The following SLC25A46 variants were observed in gnomAD, a reference collection of about 807,000 sequenced individuals.
SLC25A46 encodes the protein solute carrier family 25 member 46.
Under a neutral mutation model 44.6 loss-of-function variants are expected in SLC25A46, and 39 were observed. The observed-to-expected ratio is 0.87, with a 90% confidence interval of 0.68 to 1.14. SLC25A46 has a LOEUF of 1.14. Among genes scored for constraint, SLC25A46 ranks in the 50% most tolerant of loss-of-function variants. The pLI, the probability that SLC25A46 is intolerant of heterozygous loss-of-function variation, is 0.00. For missense variants in SLC25A46, 547 were observed against 522.7 expected (o/e 1.05, Z -0.45); for synonymous variants, 202 against 185.8 (o/e 1.09, Z -0.71).
At chr5:110,740,744 G>A (rs1799654231) in intron 1 of SLC25A46, among the ~76,000 whole-genome samples, 3 of 152,150 alleles carry the variant, frequency 2.0e-5, no homozygotes, top group Non-Finnish European at 4.4e-5. Flanking sequence ...GAGGTCAGGA[G>A]ATCGAGACCA....
intron 7 of SLC25A46, among the ~76,000 whole-genome samples, chr5:110,760,435 T>A (rs1315603554): frequency 1.3e-5 from 2 of 152,080 alleles, no homozygotes; most frequent in Non-Finnish European, 2.9e-5. Context: ...CGTCTTCTGC[T>A]TAAAATCAAC....
rs1178297383 is a variant in SLC25A46 at position 110,764,909 on chromosome 5, ATAAT to A, written c.*3128_*3131del. On this transcript the variant is annotated 3_prime_UTR_variant, in exon 8 of 8. Transcript: ENST00000355943. ...CTGTTTCTCTTTCAAGTAGTTGTAA[ATAAT>A]CTCTTTTTCTCATATAAACGGAATG... 1.3e-5 allele frequency: 2 copies of A among 152,088 alleles called. No homozygotes were observed. The highest frequency in any genetic ancestry group is 3.9e-4 in the East Asian group (2 of 5,154). The allele number at this position is 152,088 out of a possible 1,614,324, so 9.4% of individuals were successfully genotyped here.
intron 3 of SLC25A46, among the ~76,000 whole-genome samples, chr5:110,744,092 T>C (rs1799756347): frequency 6.6e-6 from 1 of 152,204 alleles, no homozygotes; most frequent in Non-Finnish European, 1.5e-5. Flanking sequence ...TTTATGAAAG[T>C]AACTATTTTG....
rs7376 is a variant in SLC25A46 at position 110,764,969 on chromosome 5, T to G, written c.*3187T>G. 93,389 of 151,652 alleles carry G rather than the reference T, an allele frequency of 0.62. 32,848 individuals carry two copies. Among genetic ancestry groups the G allele is most frequent in the Non-Finnish European group, 0.8 (54,091 of 67,792 alleles). 9.4% of individuals were successfully genotyped at this position (151,652 alleles called of 1,614,324 possible). A position where few individuals can be genotyped will look rare whatever the true frequency, so the allele number is the denominator to read the frequency against. On this transcript the variant is annotated 3_prime_UTR_variant, in exon 8 of 8. Transcript: ENST00000355943. ...TGTCTTACTCTTGAGTCATTTAGTATCATTGATATGGTACCAAGTTGTATA... is the reference window on the plus strand; with the variant it reads ...TGTCTTACTCTTGAGTCATTTAGTAGCATTGATATGGTACCAAGTTGTATA...
chr5:110,744,521 C>G (rs1340709400), intron 3 of SLC25A46, among the ~76,000 whole-genome samples: 1 of 152,138 alleles, frequency 6.6e-6, no homozygotes, highest in African/African-American at 2.4e-5. Flanking sequence ...GTTGTTAAAA[C>G]ATTTGATTAT....
chr5:110,747,289 G>T (rs893145030), intron 4 of SLC25A46, among the ~76,000 whole-genome samples: 1 of 152,066 alleles, frequency 6.6e-6, no homozygotes, highest in African/African-American at 2.4e-5. Context: ...AAATAAGAGG[G>T]TAGCTCTGTG....
intron 2 of SLC25A46, among the ~76,000 whole-genome samples, chr5:110,743,111 C>T (rs1005787428): frequency 2.6e-5 from 4 of 151,896 alleles, no homozygotes; most frequent in Non-Finnish European, 5.9e-5. Flanking sequence ...AATATGTGTG[C>T]ACATGTATGT....
Position 110,761,650 on chromosome 5 carries a change from C to T in SLC25A46, c.1125C>T (p.Thr375=), listed in dbSNP as rs2150419387. ...QYEGMRDCIN[T]IRQEEGVFGF... is the part of the protein sequence containing the mutation. ...AGGGAATGAGAGACTGTATCAATAC[C>T]ATAAGGCAGGAGGAAGGAGTGTTTG... Residue 375 remains threonine (T), a synonymous_variant, in exon 8 of 8, where the codon ACC becomes ACT. Transcript: ENST00000355943. This position sits in a 1 kb window ranked among gnomAD's most constrained non-coding sequence, Gnocchi z 5.3. 6.2e-7 allele frequency: 1 copy of T among 1,613,570 alleles called. No individual in the cohort carries two copies. The highest frequency in any genetic ancestry group is 8.5e-7 in the Non-Finnish European group (1 of 1,179,724).
intron 1 of SLC25A46, 193 bp from the exon 2 acceptor site, chr5:110,741,854 C>T: frequency 2.0e-6 from 1 of 507,470 alleles, no homozygotes; most frequent in Non-Finnish European, 3.5e-6. Flanking sequence ...TTGCAATTTG[C>T]CACAGACCCC....
At chr5:110,746,705 G>C (rs1799828334) in intron 4 of SLC25A46, among the ~76,000 whole-genome samples, 1 of 152,160 alleles carries the variant, frequency 6.6e-6, no homozygotes, top group African/African-American at 2.4e-5. Context: ...TCAAAACTGG[G>C]CTTGGGCACA....
chr5:110,748,925 A>G (rs912718991), intron 5 of SLC25A46, among the ~76,000 whole-genome samples: 2 of 152,154 alleles, frequency 1.3e-5, no homozygotes, highest in Non-Finnish European at 2.9e-5. Flanking sequence ...TCTTTTTTTA[A>G]TATATAGATG....
chr5:110,743,537 T>C (rs1438358094), intron 2 of SLC25A46, among the ~76,000 whole-genome samples, 193 bp from the exon 3 acceptor site: 4 of 152,116 alleles, frequency 2.6e-5, no homozygotes, highest in East Asian at 1.9e-4. Flanking sequence ...TCTTTTCATA[T>C]TGAATTTCGT....
intron 5 of SLC25A46, among the ~76,000 whole-genome samples, chr5:110,753,030 G>A (rs1252721563): frequency 6.6e-6 from 1 of 152,072 alleles, no homozygotes; most frequent in Non-Finnish European, 1.5e-5. Context: ...GGAGCACAGG[G>A]GCAAAGAGTG....
At position 110,761,913 on chromosome 5, in the gene SLC25A46, C is replaced by G; in HGVS notation, c.*131C>G. On this transcript the variant is annotated 3_prime_UTR_variant, in exon 8 of 8. Transcript: ENST00000355943. The surrounding 1 kb of genome is among the most constrained non-coding windows in gnomAD (Gnocchi z 5.3). ...AGTAAAATTGGTACTAAAGCCCATA[C>G]TGATTATCTTGACTTTGTTTTTTAA... is the stretch of plus-strand genomic sequence containing the variant. The G allele has an allele frequency of 1.4e-6, 1 of 737,510 alleles. No individual in the cohort carries two copies. The highest frequency in any genetic ancestry group is 2.0e-5 in the South Asian group (1 of 50,356). 45.7% of individuals were successfully genotyped at this position (737,510 alleles called of 1,614,324 possible).
intron 2 of SLC25A46, 112 bp downstream of exon 2, chr5:110,742,201 G>A (rs1209738422): frequency 4.6e-6 from 3 of 646,836 alleles, no homozygotes; most frequent in Non-Finnish European, 7.4e-6. Context: ...TTTCTTTGAA[G>A]CAGCAGCTTA....
chr5:110,761,811 G>C lies in SLC25A46; in HGVS notation c.*29G>C. 6.5e-7 allele frequency: 1 copy of C among 1,536,012 alleles called. No homozygotes were observed. The highest frequency in any genetic ancestry group is 8.8e-7 in the Non-Finnish European group (1 of 1,131,158). ...TTAGGTTCCTTCACTGAGTAGTCTG[G>C]AAGATATAATCTGGATAATTTGCTA... On this transcript the variant is annotated 3_prime_UTR_variant, in exon 8 of 8. Coordinates refer to ENST00000355943, the MANE Select transcript of SLC25A46 (RefSeq NM_138773.4). The surrounding 1 kb of genome is among the most constrained non-coding windows in gnomAD (Gnocchi z 5.3).
chr5:110,757,792 G>A (rs1258177913), intron 7 of SLC25A46, among the ~76,000 whole-genome samples: 2 of 152,070 alleles, frequency 1.3e-5, no homozygotes, highest in Non-Finnish European at 2.9e-5. Flanking sequence ...AAAATGTCAG[G>A]AAGGTAATTA....
chr5:110,761,846 G>A lies in SLC25A46; in HGVS notation c.*64G>A. 1.5e-6 allele frequency: 2 copies of A among 1,338,156 alleles called. No homozygotes were observed. The highest frequency in any genetic ancestry group is 1.0e-6 in the Non-Finnish European group (1 of 986,056). 82.9% of individuals were successfully genotyped at this position (1,338,156 alleles called of 1,614,324 possible). A position where few individuals can be genotyped will look rare whatever the true frequency, so the allele number is the denominator to read the frequency against. The stretch of plus-strand genomic sequence containing the variant: ...TCTGGATAATTTGCTATGAAGTTAT[G>A]AGGGATACAAGTGAAATACTGGGGA... On this transcript the variant is annotated 3_prime_UTR_variant, in exon 8 of 8. Coordinates refer to ENST00000355943, the MANE Select transcript of SLC25A46 (RefSeq NM_138773.4). This position sits in a 1 kb window ranked among gnomAD's most constrained non-coding sequence, Gnocchi z 5.3.
intron 3 of SLC25A46, among the ~76,000 whole-genome samples, chr5:110,744,318 C>T (rs567875337): frequency 1.3e-5 from 2 of 152,056 alleles, no homozygotes; most frequent in Non-Finnish European, 2.9e-5. Context: ...CTCACTGTGT[C>T]GCAGTTTCTT....
Sources: allele counts gnomAD v4.1 joint callset (sites outside exome capture counted in the v4.1 genomes callset), GRCh38; gene constraint gnomAD v4.1.1; non-coding constraint Gnocchi (gnomAD v3.1); transcripts MANE v1.5; gene names NCBI Gene and HGNC (gene_info 2026-07-23, HGNC 2026-07-21).